PDE4D: variants seen among roughly 807,000 people sequenced by gnomAD.
PDE4D encodes the protein phosphodiesterase 4D.
PDE4D carries 24 observed loss-of-function variants against 87.4 expected under a neutral mutation model. That is an observed-to-expected ratio of 0.27 (90% CI 0.20 to 0.39). The LOEUF (loss-of-function observed/expected upper bound fraction) is 0.39, where lower values mean the gene tolerates loss of function less well. PDE4D is among the 10% of genes least tolerant of loss of function. PDE4D has a pLI of 1.00. For missense variants in PDE4D, 714 were observed against 1,041.0 expected, an observed-to-expected ratio of 0.69 and a Z score of 4.32; for synonymous variants, 384 against 383.2, an observed-to-expected ratio of 1.00 and a Z score of -0.02.
At chr5:60,476,062 C>T (rs879545894) in intron 1 of PDE4D, among the ~76,000 whole-genome samples, 2 of 152,090 alleles carry the variant, frequency 1.3e-5, no homozygotes, top group Admixed American at 6.6e-5. Context: ...AGATATAACC[C>T]TAGAGATTTT....
intron 2 of PDE4D, among the ~76,000 whole-genome samples, chr5:60,055,568 T>C (rs759110007): frequency 3.9e-5 from 6 of 152,148 alleles, no homozygotes; most frequent in Non-Finnish European, 8.8e-5. Flanking sequence ...AAATGTAATA[T>C]ATATATGAAA....
At chr5:59,294,283 G>A (rs1382182210) in intron 1 of PDE4D, among the ~76,000 whole-genome samples, 1 of 152,110 alleles carries the variant, frequency 6.6e-6, no homozygotes, top group Non-Finnish European at 1.5e-5. Context: ...CTGCATCTCT[G>A]TGTGAGCTGT....
At chr5:59,069,841 A>T (rs1338565476) in intron 5 of PDE4D, among the ~76,000 whole-genome samples, 1 of 152,200 alleles carries the variant, frequency 6.6e-6, no homozygotes, top group African/African-American at 2.4e-5. Context: ...GCCTGTCTTC[A>T]TTATAGATTA....
chr5:59,427,321 ACACACACACACACACACG>A (rs1360926085), intron 1 of PDE4D, among the ~76,000 whole-genome samples: 3 of 151,234 alleles, frequency 2.0e-5, no homozygotes, highest in African/African-American at 7.3e-5. Context: ...ACACACACAC[ACACACACACACACACACG>A]CCCCTATGCC....
At chr5:59,290,278 T>C (rs1369466848) in intron 1 of PDE4D, among the ~76,000 whole-genome samples, 41 of 151,916 alleles carry the variant, frequency 2.7e-4, no homozygotes, top group Admixed American at 2.7e-3. Context: ...TCCATACATC[T>C]ACAGCGAACT....
intron 4 of PDE4D, among the ~76,000 whole-genome samples, chr5:59,183,285 A>T (rs1742096694): frequency 6.6e-6 from 1 of 152,154 alleles, no homozygotes; most frequent in African/African-American, 2.4e-5. Context: ...GTTAGATGTC[A>T]CCCTGGGCAT....
chr5:59,035,279 G>A (rs1193069059), intron 6 of PDE4D, among the ~76,000 whole-genome samples: 3 of 152,192 alleles, frequency 2.0e-5, no homozygotes, highest in African/African-American at 4.8e-5. Context: ...TAGCTCTTCT[G>A]TCTGGCATTC....
chr5:59,587,679 G>A (rs1437342087), intron 1 of PDE4D: 4 of 937,994 alleles, frequency 4.3e-6, no homozygotes, highest in Non-Finnish European at 5.1e-6. Context: ...ATGTGCTGGC[G>A]TCAAGGGGGC....
chr5:59,314,817 TG>T (rs1175360094), intron 1 of PDE4D: 1 of 152,182 alleles, frequency 6.6e-6, no homozygotes, highest in East Asian at 1.9e-4. Context: ...TTTTGGCCCC[TG>T]CCTTTTAACC....
At chr5:59,582,916 T>C (rs1824433524) in intron 1 of PDE4D, among the ~76,000 whole-genome samples, 1 of 152,138 alleles carries the variant, frequency 6.6e-6, no homozygotes, top group Admixed American at 6.5e-5. Context: ...TTAATCACCT[T>C]CCACAATCAT....
chr5:59,615,257 C>T (rs72769743), intron 1 of PDE4D, among the ~76,000 whole-genome samples: 45,501 of 151,948 alleles, frequency 0.3, 7,545 homozygotes, highest in African/African-American at 0.43. Context: ...AGTAAGGTTT[C>T]CTGGGATATA....
chr5:59,715,395 C>A (rs904468841), intron 1 of PDE4D, among the ~76,000 whole-genome samples: 3 of 152,206 alleles, frequency 2.0e-5, no homozygotes, highest in Admixed American at 6.5e-5. Context: ...GGCATCCCCC[C>A]CTATGCCCGA....
intron 5 of PDE4D, among the ~76,000 whole-genome samples, chr5:59,069,787 A>G (rs1244167615): frequency 6.6e-6 from 1 of 152,134 alleles, no homozygotes; most frequent in Admixed American, 6.6e-5. Flanking sequence ...ATGTTATAAA[A>G]TTAAAATGTT....
intron 1 of PDE4D, among the ~76,000 whole-genome samples, chr5:59,877,638 GA>G (rs1748806962): frequency 6.6e-6 from 1 of 151,690 alleles, no homozygotes; most frequent in African/African-American, 2.4e-5. Flanking sequence ...CTCATCTCCG[GA>G]AACTTCATCT....
chr5:60,304,162 T>C (rs1017369221), intron 1 of PDE4D: 2 of 152,212 alleles, frequency 1.3e-5, no homozygotes, highest in African/African-American at 4.8e-5. Flanking sequence ...ACTCCTTCTT[T>C]TCTTTATTGG....
chr5:59,113,668 C>T (rs1773070963), intron 5 of PDE4D, among the ~76,000 whole-genome samples: 1 of 152,130 alleles, frequency 6.6e-6, no homozygotes, highest in African/African-American at 2.4e-5. Flanking sequence ...CAACAAAAGG[C>T]AGATAAGCAT....
chr5:59,399,438 A>G (rs1790159927), intron 1 of PDE4D, among the ~76,000 whole-genome samples: 1 of 138,412 alleles, frequency 7.2e-6, no homozygotes, highest in Non-Finnish European at 1.6e-5. Flanking sequence ...CATATCTACA[A>G]CTATCTGATC....
At chr5:59,774,291 AAG>A (rs1206628211) in intron 1 of PDE4D, among the ~76,000 whole-genome samples, 2 of 152,172 alleles carry the variant, frequency 1.3e-5, no homozygotes, top group East Asian at 3.9e-4. Context: ...TAGAAATGGA[AAG>A]AGAGTACAAG....
At chr5:60,322,034 C>G (rs1188010605) in intron 1 of PDE4D, among the ~76,000 whole-genome samples, 1 of 151,852 alleles carries the variant, frequency 6.6e-6, no homozygotes, top group African/African-American at 2.4e-5. Context: ...TACCATTTAA[C>G]CCAGCAACCC....
Sources: gnomAD v4.1 joint callset for allele counts (sites outside exome capture counted in the v4.1 genomes callset) on GRCh38, gnomAD v4.1.1 for gene constraint, MANE v1.5 for transcripts, NCBI Gene and HGNC (gene_info 2026-07-23, HGNC 2026-07-21) for gene names.